The following NSMCE2 variants were observed in gnomAD, a reference collection of about 807,000 sequenced individuals.
The protein encoded by NSMCE2 is E3 SUMO-protein ligase NSE2.
In NSMCE2, 24 loss-of-function variants were observed where a neutral mutation model predicts 23.8. The ratio of observed to expected loss-of-function variants is 1.01; its 90% CI spans 0.73 to 1.42. NSMCE2 has a LOEUF of 1.42. NSMCE2 is among the 40% of genes most tolerant of loss of function. NSMCE2 has a pLI of 0.00. For missense variants in NSMCE2, 284 were observed against 296.5 expected, an observed-to-expected ratio of 0.96 and a Z score of 0.31; for synonymous variants, 92 against 94.1, an observed-to-expected ratio of 0.98 and a Z score of 0.13.
chr8:125,144,168 T>C (rs1412159718), intron 3 of NSMCE2, among the ~76,000 whole-genome samples: 2 of 152,204 alleles, frequency 1.3e-5, no homozygotes, highest in Non-Finnish European at 2.9e-5. Flanking sequence ...CTGTTTCATC[T>C]CTGCTTCCCA....
intron 7 of NSMCE2, among the ~76,000 whole-genome samples, chr8:125,358,519 T>C (rs1212443159): frequency 6.6e-6 from 1 of 151,866 alleles, no homozygotes; most frequent in Non-Finnish European, 1.5e-5. Context: ...CACACATATA[T>C]ATATCTCACC....
At chr8:125,213,740 C>T (rs1195672604) in intron 5 of NSMCE2, among the ~76,000 whole-genome samples, 1 of 150,478 alleles carries the variant, frequency 6.6e-6, no homozygotes, top group Admixed American at 6.6e-5. Context: ...TTCCTTCCTT[C>T]CTTCCTTCAA....
At chr8:125,357,074 G>A in intron 5 of NSMCE2, 145 bp from the exon 6 acceptor site, 1 of 612,564 alleles carries the variant, frequency 1.6e-6, no homozygotes, top group Non-Finnish European at 2.9e-6. Context: ...TCTCTGAAAA[G>A]CAGAAGAGTT....
chr8:125,107,188 C>CTTTTT (rs71295817), intron 3 of NSMCE2, among the ~76,000 whole-genome samples: 15 of 120,012 alleles, frequency 1.2e-4, no homozygotes, highest in South Asian at 2.7e-4. Flanking sequence ...CAAGGACATT[C>CTTTTT]TTTTTTTTTT....
intron 5 of NSMCE2, among the ~76,000 whole-genome samples, chr8:125,221,066 T>C (rs531074299): frequency 3.3e-5 from 5 of 152,286 alleles, no homozygotes; most frequent in East Asian, 1.9e-4. Flanking sequence ...CCCCATATCA[T>C]GGTCATACCC....
chr8:125,237,556 C>G (rs1056902835), intron 5 of NSMCE2, among the ~76,000 whole-genome samples: 3 of 152,202 alleles, frequency 2.0e-5, no homozygotes, highest in Middle Eastern at 3.2e-3. Context: ...AAGCTTCCCT[C>G]TGGAAACTGC....
At chr8:125,341,624 C>T (rs968371782) in intron 5 of NSMCE2, among the ~76,000 whole-genome samples, 1 of 152,004 alleles carries the variant, frequency 6.6e-6, no homozygotes. Flanking sequence ...CCCATCTTCA[C>T]AGTATCCTAA....
intron 5 of NSMCE2, among the ~76,000 whole-genome samples, chr8:125,293,125 C>T (rs925252068): frequency 6.6e-6 from 1 of 152,178 alleles, no homozygotes; most frequent in African/African-American, 2.4e-5. Context: ...ACAATAATAG[C>T]TTACACTGTT....
intron 3 of NSMCE2, among the ~76,000 whole-genome samples, chr8:125,121,314 C>G (rs921353879): frequency 6.6e-6 from 1 of 152,180 alleles, no homozygotes; most frequent in Non-Finnish European, 1.5e-5. Context: ...GCTTCCTCTT[C>G]TTTTGGGCAG....
At chr8:125,295,123 A>G (rs994666851) in intron 5 of NSMCE2, among the ~76,000 whole-genome samples, 8 of 152,202 alleles carry the variant, frequency 5.3e-5, no homozygotes, top group Non-Finnish European at 1.0e-4. Context: ...ACCTTTTTAT[A>G]ACTTTTGTTT....
At chr8:125,296,437 C>T (rs1232326854) in intron 5 of NSMCE2, among the ~76,000 whole-genome samples, 1 of 150,138 alleles carries the variant, frequency 6.7e-6, no homozygotes, top group East Asian at 1.9e-4. Flanking sequence ...CTCTGTCACC[C>T]AGGCTGGAGT....
chr8:125,198,664 C>G lies in NSMCE2; in HGVS notation c.418+16408C>G, dbSNP rs1457960106. ...CTAAAATTCTCTTTTTTTGTTGTGT[C>G]TCTGCCAGGCTTTGGTATCAGGATG... On this transcript the variant is annotated intron_variant, in intron 5 of 7. Coordinates refer to ENST00000287437, the MANE Select transcript of NSMCE2 (RefSeq NM_173685.4). Among the ~76,000 whole-genome samples, 4 of 152,096 alleles carry G rather than the reference C, an allele frequency of 2.6e-5. No homozygotes were observed. In the East Asian group the frequency reaches 5.8e-4, roughly 22 times the overall value.
intron 3 of NSMCE2, among the ~76,000 whole-genome samples, chr8:125,115,258 G>C (rs1202338663): frequency 1.3e-5 from 2 of 152,170 alleles, no homozygotes; most frequent in African/African-American, 4.8e-5. Flanking sequence ...TGGAGAGCTG[G>C]TTATGAAGCA....
intron 5 of NSMCE2, among the ~76,000 whole-genome samples, chr8:125,274,581 C>T (rs1237024465): frequency 6.6e-6 from 1 of 152,060 alleles, no homozygotes; most frequent in Non-Finnish European, 1.5e-5. Context: ...TCATTATTTT[C>T]TAGGTAGGAG....
At chr8:125,340,176 G>A (rs1586794000) in intron 5 of NSMCE2, among the ~76,000 whole-genome samples, 1 of 151,844 alleles carries the variant, frequency 6.6e-6, no homozygotes, top group Non-Finnish European at 1.5e-5. Flanking sequence ...CATCACGCCC[G>A]GCTAATTTTT....
At chr8:125,164,233 G>C (rs1372582655) in intron 4 of NSMCE2, among the ~76,000 whole-genome samples, 1 of 152,170 alleles carries the variant, frequency 6.6e-6, no homozygotes, top group Non-Finnish European at 1.5e-5. Flanking sequence ...GTTAGGAAAG[G>C]TGGCTATTGT....
At chr8:125,183,634 GGTGTGTGT>G (rs59285361) in intron 5 of NSMCE2, among the ~76,000 whole-genome samples, 3 of 147,500 alleles carry the variant, frequency 2.0e-5, no homozygotes, top group Non-Finnish European at 3.0e-5. Context: ...ATTACTCAGT[GGTGTGTGT>G]GTGTGTGTGT....
chr8:125,160,211 C>A (rs547163083), intron 4 of NSMCE2, among the ~76,000 whole-genome samples: 2 of 152,220 alleles, frequency 1.3e-5, no homozygotes, highest in East Asian at 3.9e-4. Context: ...ATTTAGGTCA[C>A]AGAGTTTCAT....
At chr8:125,322,058 A>AT (rs895687506) in intron 5 of NSMCE2, among the ~76,000 whole-genome samples, 2 of 151,596 alleles carry the variant, frequency 1.3e-5, no homozygotes, top group African/African-American at 4.9e-5. Flanking sequence ...TCTTTTTTCC[A>AT]TTTTTTGGAT....
Sources: allele counts gnomAD v4.1 joint callset (sites outside exome capture counted in the v4.1 genomes callset), GRCh38; gene constraint gnomAD v4.1.1; transcripts MANE v1.5; gene names NCBI Gene and HGNC (gene_info 2026-07-23, HGNC 2026-07-21).